ELAVL2: variants seen among roughly 807,000 people sequenced by gnomAD.
ELAVL2 encodes ELAV-like protein 2.
In ELAVL2, 4 loss-of-function variants were observed where a neutral mutation model predicts 34.6. That is an observed-to-expected ratio of 0.12 (90% CI 0.06 to 0.26). ELAVL2 has a LOEUF of 0.26. ELAVL2 is among the 10% of genes least tolerant of loss of function. ELAVL2 has a pLI of 1.00. For synonymous variants in ELAVL2, 193 were observed against 154.8 expected, an observed-to-expected ratio of 1.25 and a Z score of -1.83; for missense variants, 432 against 442.8, an observed-to-expected ratio of 0.98 and a Z score of 0.22.
intron 1 of ELAVL2, among the ~76,000 whole-genome samples, chr9:23,778,045 C>A (rs1289302739): frequency 6.6e-6 from 1 of 152,122 alleles, no homozygotes; most frequent in African/African-American, 2.4e-5. Flanking sequence ...GAACAAAACC[C>A]CCCAGAGTGG....
At chr9:23,734,786 T>G in intron 2 of ELAVL2, among the ~76,000 whole-genome samples, 1 of 152,004 alleles carries the variant, frequency 6.6e-6, no homozygotes, top group African/African-American at 2.4e-5. Context: ...GAGCGCACAG[T>G]TTTTAAAAAT....
intron 2 of ELAVL2, among the ~76,000 whole-genome samples, chr9:23,757,387 C>T (rs955711472): frequency 6.6e-6 from 1 of 152,044 alleles, no homozygotes; most frequent in Non-Finnish European, 1.5e-5. Context: ...AATCAGAATT[C>T]TGGTCCCTAC....
chr9:23,752,294 C>T (rs2052294192), intron 2 of ELAVL2, among the ~76,000 whole-genome samples: 1 of 152,026 alleles, frequency 6.6e-6, no homozygotes, highest in Non-Finnish European at 1.5e-5. Flanking sequence ...CCAAGTGTAA[C>T]AATGTTCTAA....
intron 1 of ELAVL2, among the ~76,000 whole-genome samples, chr9:23,802,144 A>G (rs144931303): frequency 3.9e-5 from 6 of 152,226 alleles, no homozygotes; most frequent in African/African-American, 7.2e-5. Context: ...TGAAACCAAT[A>G]CAGGAAGAAG....
At position 23,771,395 on chromosome 9, in the gene ELAVL2, T is replaced by A. The variant is rs2057280569; in HGVS notation, c.-15-9146A>T. Among the ~76,000 whole-genome samples, 3 of 152,134 alleles carry A rather than the reference T, an allele frequency of 2.0e-5. No homozygotes were observed. The South Asian group carries it at 6.2e-4, about 32-fold the overall frequency. On this transcript the variant is annotated intron_variant, in intron 1 of 6. Transcript: ENST00000397312. ...CAAAGGAAGAGATTTTATGGACAGT[T>A]GTGCCTTAAAAGAAAATAAGGATAT...
chr9:23,824,349 GCCGCGGAGCTC>G (rs2065148066), intron 1 of ELAVL2, among the ~76,000 whole-genome samples: 1 of 152,140 alleles, frequency 6.6e-6, no homozygotes, highest in Non-Finnish European at 1.5e-5. Context: ...GGTCTCGTCC[GCCGCGGAGCTC>G]CAGTGGTGGG....
At chr9:23,809,899 G>C (rs2062752366) in intron 1 of ELAVL2, among the ~76,000 whole-genome samples, 1 of 152,158 alleles carries the variant, frequency 6.6e-6, no homozygotes, top group Non-Finnish European at 1.5e-5. Context: ...GGTGAATCAA[G>C]AACAATCTTT....
chr9:23,702,977 A>AAAAAAG (rs1563957766), intron 4 of ELAVL2, among the ~76,000 whole-genome samples: 2 of 132,422 alleles, frequency 1.5e-5, no homozygotes, highest in Admixed American at 7.2e-5. Context: ...AAAAAAAAAA[A>AAAAAAG]AAAACAGCCT....
At chr9:23,783,341 C>T (rs2059307683) in intron 1 of ELAVL2, 1 of 472,302 alleles carries the variant, frequency 2.1e-6, no homozygotes, top group Non-Finnish European at 2.8e-6. Flanking sequence ...ACTCAGCTCA[C>T]AGTCTGAAGC....
intron 2 of ELAVL2, among the ~76,000 whole-genome samples, chr9:23,746,185 C>T (rs1048421202): frequency 1.6e-4 from 25 of 152,256 alleles, no homozygotes; most frequent in African/African-American, 6.0e-4. Context: ...TACATACATA[C>T]ACACCTCTCA....
intron 1 of ELAVL2, among the ~76,000 whole-genome samples, chr9:23,807,955 C>T (rs2062456196): frequency 6.6e-6 from 1 of 152,080 alleles, no homozygotes; most frequent in African/African-American, 2.4e-5. Flanking sequence ...TGCCAAATTA[C>T]GTTGTCCTGC....
intron 4 of ELAVL2, 51 bp from the exon 5 acceptor site, chr9:23,701,655 G>A: frequency 1.9e-6 from 3 of 1,574,490 alleles, no homozygotes; most frequent in Non-Finnish European, 2.6e-6. Flanking sequence ...GAAGGAGAAG[G>A]GAAGGAGAGA....
intron 1 of ELAVL2, among the ~76,000 whole-genome samples, chr9:23,763,372 AC>A (rs2055496843): frequency 6.6e-6 from 1 of 152,080 alleles, no homozygotes; most frequent in Non-Finnish European, 1.5e-5. Context: ...TCCACTAACT[AC>A]CTATCTTTGG....
chr9:23,755,340 A>T lies in ELAVL2; in HGVS notation c.229+6666T>A, dbSNP rs148210881. ...TAAACTAATCAAGGCTGACACTGAA[A>T]ATTGTTCTATAAAAATACCCAGGTT... is the stretch of plus-strand genomic sequence containing the variant. On this transcript the variant is annotated intron_variant, in intron 2 of 6. Coordinates refer to ENST00000397312, the MANE Select transcript of ELAVL2 (RefSeq NM_004432.5). Among the ~76,000 whole-genome samples, 19 of 152,296 alleles carry T rather than the reference A, an allele frequency of 1.2e-4. No homozygotes were observed. The East Asian group carries it at 3.5e-3, about 28-fold the overall frequency.
At chr9:23,831,977 G>T in the ELAVL2 span, among the ~76,000 whole-genome samples, 2 of 152,162 alleles carry the variant, frequency 1.3e-5, no homozygotes, top group African/African-American at 4.8e-5. Context: ...ACAGTATGGA[G>T]TTGTGTAAAG....
intron 3 of ELAVL2, among the ~76,000 whole-genome samples, chr9:23,711,277 C>T (rs999676530): frequency 6.6e-6 from 1 of 152,106 alleles, no homozygotes; most frequent in Non-Finnish European, 1.5e-5. Context: ...GGAAAATACA[C>T]ACAGAACCTT....
chr9:23,810,574 T>C (rs1564557587), intron 1 of ELAVL2, among the ~76,000 whole-genome samples: 1 of 152,090 alleles, frequency 6.6e-6, no homozygotes, highest in African/African-American at 2.4e-5. Flanking sequence ...ACATGAAAAC[T>C]GAGTTGCTTC....
chr9:23,705,379 G>C (rs1196007642), intron 3 of ELAVL2, among the ~76,000 whole-genome samples: 1 of 152,196 alleles, frequency 6.6e-6, no homozygotes, highest in Non-Finnish European at 1.5e-5. Flanking sequence ...TGGTCAATGG[G>C]TCTGGGATCA....
chr9:23,767,940 T>C (rs1471066158), intron 1 of ELAVL2, among the ~76,000 whole-genome samples: 2 of 152,114 alleles, frequency 1.3e-5, no homozygotes, highest in Non-Finnish European at 2.9e-5. Flanking sequence ...AAAGGGCCAA[T>C]ACAATGACCC....
Sources: allele counts gnomAD v4.1 joint callset (sites outside exome capture counted in the v4.1 genomes callset), GRCh38; gene constraint gnomAD v4.1.1; transcripts MANE v1.5; gene names NCBI Gene and HGNC (gene_info 2026-07-23, HGNC 2026-07-21).